Variants in NOS1 observed in about 807,000 individuals in gnomAD.
NOS1 encodes NOS type I.
In NOS1, 51 loss-of-function variants were observed where a neutral mutation model predicts 164.5. The ratio of observed to expected loss-of-function variants is 0.31; its 90% CI spans 0.25 to 0.39. The LOEUF is 0.39. NOS1 is among the 10% of genes least tolerant of loss of function. The probability of loss-of-function intolerance (pLI) is 1.00; values close to 1 mark genes in which losing one functional copy is unlikely to be tolerated. For synonymous variants in NOS1, 719 were observed against 745.8 expected, an observed-to-expected ratio of 0.96 and a Z score of 0.59; for missense variants, 1,362 against 1,885.6, an observed-to-expected ratio of 0.72 and a Z score of 5.14.
At chr12:117,285,597 A>AT (rs1329441146) in intron 6 of NOS1, among the ~76,000 whole-genome samples, 5 of 152,128 alleles carry the variant, frequency 3.3e-5, no homozygotes, top group Non-Finnish European at 7.4e-5. Flanking sequence ...GGAATGGCAA[A>AT]TGAAGGAGGG....
chr12:117,220,770 G>C (rs1956690325), intron 26 of NOS1, among the ~76,000 whole-genome samples: 1 of 152,168 alleles, frequency 6.6e-6, no homozygotes. Context: ...GCCGGCTGCT[G>C]TAGCGATAGC....
chr12:117,226,723 G>A lies in NOS1; in HGVS notation c.3664C>T (p.Arg1222Trp), dbSNP rs773842176. The A allele has an allele frequency of 6.2e-6, 10 of 1,613,800 alleles. No homozygotes were observed. The highest frequency in any genetic ancestry group is 5.0e-5 in the Admixed American group (3 of 59,954). The change falls in exon 24 of 29, where the codon CGG becomes TGG. Residue 1222 changes from arginine (R) to tryptophan (W), a missense_variant. Transcript: ENST00000317775. ...HHGVCSSWLN[R>W]IQADELVPCF... Reference sequence around the variant, plus strand: ...GGGACCAGTTCGTCAGCCTGTATCCGGTTGAGCCAGGAGGAGCATACGCCG... The same window carrying A: ...GGGACCAGTTCGTCAGCCTGTATCCAGTTGAGCCAGGAGGAGCATACGCCG...
intron 22 of NOS1, among the ~76,000 whole-genome samples, chr12:117,231,510 C>A (rs531748975): frequency 6.6e-6 from 1 of 152,062 alleles, no homozygotes; most frequent in East Asian, 1.9e-4. Flanking sequence ...ACATTGTATG[C>A]CTGTATCAAA....
At chr12:117,341,309 C>T (rs1442790001) in intron 1 of NOS1, among the ~76,000 whole-genome samples, 6 of 152,106 alleles carry the variant, frequency 3.9e-5, no homozygotes, top group Non-Finnish European at 7.4e-5. Context: ...TGTCGGAACA[C>T]GGCACATGAA....
intron 1 of NOS1, among the ~76,000 whole-genome samples, chr12:117,333,560 A>G (rs1254815683): frequency 6.6e-6 from 1 of 152,050 alleles, no homozygotes; most frequent in African/African-American, 2.4e-5. Context: ...ATAATTAGCA[A>G]GTTCAGCCTC....
At chr12:117,268,499 T>G (rs1288176810) in intron 10 of NOS1, among the ~76,000 whole-genome samples, 1 of 152,070 alleles carries the variant, frequency 6.6e-6, no homozygotes, top group African/African-American at 2.4e-5. Flanking sequence ...CCCAAAGTGC[T>G]GGGATTACAG....
intron 5 of NOS1, 65 bp downstream of exon 5, chr12:117,288,009 C>T (rs1872815296): frequency 6.3e-7 from 1 of 1,595,152 alleles, no homozygotes; most frequent in East Asian, 2.2e-5. Flanking sequence ...AAAGTTGGGG[C>T]TGACATCTTT....
intron 1 of NOS1, among the ~76,000 whole-genome samples, chr12:117,338,881 T>C (rs548115691): frequency 9.2e-5 from 14 of 152,306 alleles, no homozygotes; most frequent in East Asian, 7.7e-4. Context: ...AAATATCTGA[T>C]GGAGTTTCAG....
Position 117,234,651 on chromosome 12 carries a change from T to C in NOS1, c.3149A>G (p.Asn1050Ser). The C allele has an allele frequency of 6.2e-7, 1 of 1,614,164 alleles. No homozygotes were observed. Residue 1050 changes from asparagine (N) to serine (S), a missense_variant, in exon 21 of 29, where the codon AAT becomes AGT. Coordinates refer to ENST00000317775, the MANE Select transcript of NOS1 (RefSeq NM_000620.5). The surrounding 1 kb of genome is among the most constrained non-coding windows in gnomAD (Gnocchi z 4.3). ...VFPGNHEDLV[N>S]ALIERLEDAP... ...GTCCTCCAGCCGCTCGATCAGGGCATTCACGAGGTCCTCGTGGTTGCCAGG... is the reference window on the plus strand; with the variant it reads ...GTCCTCCAGCCGCTCGATCAGGGCACTCACGAGGTCCTCGTGGTTGCCAGG...
chr12:117,263,438 C>T (rs1872103448), intron 13 of NOS1, among the ~76,000 whole-genome samples: 1 of 151,908 alleles, frequency 6.6e-6, no homozygotes, highest in African/African-American at 2.4e-5. Flanking sequence ...TCGAGACTAG[C>T]CTGTGCAACA....
At chr12:117,323,948 ATTT>A (rs71444618) in intron 2 of NOS1, among the ~76,000 whole-genome samples, 1 of 143,894 alleles carries the variant, frequency 6.9e-6, no homozygotes, top group African/African-American at 2.5e-5. Flanking sequence ...CGTCTGGCTA[ATTT>A]TTTTTTTTTT....
intron 3 of NOS1, among the ~76,000 whole-genome samples, chr12:117,301,688 G>A (rs1291531866): frequency 2.0e-5 from 3 of 152,026 alleles, no homozygotes; most frequent in Non-Finnish European, 4.4e-5. Flanking sequence ...CCACAGCCCG[G>A]CCCCCAGGAG....
chr12:117,241,673 G>A (rs1009068218), intron 20 of NOS1, among the ~76,000 whole-genome samples: 1 of 152,172 alleles, frequency 6.6e-6, no homozygotes, highest in African/African-American at 2.4e-5. Flanking sequence ...TACAAGTAGA[G>A]AGATGAGCAG....
intron 2 of NOS1, among the ~76,000 whole-genome samples, chr12:117,317,251 T>A (rs1874709510): frequency 6.6e-6 from 1 of 151,906 alleles, no homozygotes; most frequent in South Asian, 2.1e-4. Flanking sequence ...CTCTTTTGAC[T>A]TCTGAGATGT....
intron 22 of NOS1, among the ~76,000 whole-genome samples, chr12:117,228,527 G>T (rs1868902889): frequency 6.6e-6 from 1 of 152,190 alleles, no homozygotes; most frequent in Non-Finnish European, 1.5e-5. Context: ...GAAAAATCAG[G>T]TTGGGGTGTG....
Position 117,349,029 on chromosome 12 carries a change from C to T in NOS1, c.-421+12483G>A, listed in dbSNP as rs931837298. Reference sequence around the variant, plus strand: ...AACTAGGTCAGGGTATAAAGAAACTCGTTGTACCATATTGCAACTTTTCCG... The same window carrying T: ...AACTAGGTCAGGGTATAAAGAAACTTGTTGTACCATATTGCAACTTTTCCG... On this transcript the variant is annotated intron_variant, in intron 1 of 28. Coordinates refer to ENST00000317775, the MANE Select transcript of NOS1 (RefSeq NM_000620.5). 1.3e-4 allele frequency among the ~76,000 whole-genome samples: 20 copies of T among 152,312 alleles called. 1 individual carries two copies. Among genetic ancestry groups the T allele is most frequent in the Admixed American group, 9.8e-4 (15 of 15,302 alleles).
intron 3 of NOS1, 137 bp from the exon 4 acceptor site, chr12:117,290,563 T>A (rs1872981984): frequency 1.9e-6 from 2 of 1,055,494 alleles, no homozygotes; most frequent in Non-Finnish European, 2.6e-6. Flanking sequence ...CAGAGTAAGA[T>A]CCAGCCCTTC....
rs1348427373 is a variant in NOS1, at chr12:117,272,350, G to A, written c.1839+35C>T. Reference sequence around the variant, plus strand: ...GCTGAGCTGGCACCCTCTGCTATGTGCTTTTCCCCTGTGGTGACCAGAGAG... The same window carrying A: ...GCTGAGCTGGCACCCTCTGCTATGTACTTTTCCCCTGTGGTGACCAGAGAG... On this transcript the variant is annotated intron_variant, in intron 10 of 28. Transcript: ENST00000317775. This position sits in a 1 kb window ranked among gnomAD's most constrained non-coding sequence, Gnocchi z 4.3. 3 of 1,612,018 alleles carry A rather than the reference G, an allele frequency of 1.9e-6. No homozygotes were observed. The highest frequency in any genetic ancestry group is 1.7e-6 in the Non-Finnish European group (2 of 1,178,470).
Position 117,253,735 on chromosome 12 carries a change from T to G in NOS1, c.2551A>C (p.Asn851His). The part of the protein sequence containing the change: ...EERKSYKVRF[N>H]SVSSYSDSQK... The stretch of plus-strand genomic sequence containing the variant: ...GAGTCAGAGTAGGAGGAGACGCTGT[T>G]GAATCGGACCTTGTAGCTCCTGCCA... The change falls in exon 17 of 29, where the codon AAC becomes CAC. Residue 851 changes from asparagine (N) to histidine (H), a missense_variant. Physicochemically the swap from Asn to His is moderately conservative, Grantham distance 68. Transcript: ENST00000317775. 1 of 1,613,972 alleles carries G rather than the reference T, an allele frequency of 6.2e-7. No homozygotes were observed. Among genetic ancestry groups the G allele is most frequent in the Non-Finnish European group, 8.5e-7 (1 of 1,179,926 alleles).
Sources: allele counts gnomAD v4.1 joint callset (sites outside exome capture counted in the v4.1 genomes callset), GRCh38; gene constraint gnomAD v4.1.1; non-coding constraint Gnocchi (gnomAD v3.1); transcripts MANE v1.5; gene names NCBI Gene and HGNC (gene_info 2026-07-23, HGNC 2026-07-21).